NIPA2: variants seen among roughly 807,000 people sequenced by gnomAD.
The protein encoded by NIPA2 is magnesium transporter NIPA2.
A neutral mutation model predicts 29.7 loss-of-function variants in NIPA2; 11 were observed. That is an observed-to-expected ratio of 0.37 (90% confidence interval 0.23 to 0.61). The LOEUF (loss-of-function observed/expected upper bound fraction) is 0.61, where lower values mean the gene tolerates loss of function less well. NIPA2 is among the 20% of genes least tolerant of loss of function. The pLI is 0.66. For synonymous variants in NIPA2, 183 were observed against 161.9 expected (o/e 1.13, Z -0.99); for missense variants, 426 against 437.9 (o/e 0.97, Z 0.24).
chr15:22,850,030 A>T (rs563687932), intron 3 of NIPA2, among the ~76,000 whole-genome samples: 1 of 152,126 alleles, frequency 6.6e-6, no homozygotes, highest in African/African-American at 2.4e-5. Context: ...TAGTAATACA[A>T]TGAGTCCCTG....
chr15:22,839,457 C>T (rs2140919227), intron 1 of NIPA2, among the ~76,000 whole-genome samples, 198 bp from the exon 2 acceptor site: 1 of 152,212 alleles, frequency 6.6e-6, no homozygotes, highest in South Asian at 2.1e-4. Flanking sequence ...CCGGTTAATA[C>T]TTTTTTTAGT....
chr15:22,840,634 C>G (rs1423761692), intron 2 of NIPA2, among the ~76,000 whole-genome samples: 1 of 152,068 alleles, frequency 6.6e-6, no homozygotes, highest in Non-Finnish European at 1.5e-5. Context: ...ATGTGGGCAG[C>G]CGGGTGTAGA....
At chr15:22,846,997 G>T (rs1180193082) in intron 3 of NIPA2, among the ~76,000 whole-genome samples, 1 of 149,788 alleles carries the variant, frequency 6.7e-6, no homozygotes, top group African/African-American at 2.5e-5. Context: ...TCTGCCTCCC[G>T]GGTTCAAGCG....
rs768002255 is a variant in NIPA2, at chr15:22,863,998, TTAA to T, written c.449-2209_449-2207del. 4.6e-5 allele frequency among the ~76,000 whole-genome samples: 7 copies of T among 152,254 alleles called. No individual in the cohort carries two copies. In the South Asian group the frequency reaches 6.2e-4, roughly 14 times the overall value. ...CTGTTTCATTGTGTCTCTGAGGATA[TTAA>T]TAATAGTTTTTCTTGCTTTTCTGAG... On this transcript the variant is annotated intron_variant, in intron 7 of 7. Coordinates refer to ENST00000337451, the MANE Select transcript of NIPA2 (RefSeq NM_030922.7).
intron 2 of NIPA2, among the ~76,000 whole-genome samples, 162 bp from the exon 3 acceptor site, chr15:22,844,984 C>T (rs755270): frequency 0.017 from 2,552 of 152,222 alleles, 45 homozygotes; most frequent in Middle Eastern, 0.12. Context: ...GGTCACAGTT[C>T]GGATTACTCC....
At chr15:22,856,634 A>G (rs1019278222) in intron 5 of NIPA2, among the ~76,000 whole-genome samples, 1 of 152,248 alleles carries the variant, frequency 6.6e-6, no homozygotes, top group African/African-American at 2.4e-5. Flanking sequence ...AAAGATTTAC[A>G]TCTGAAATAT....
chr15:22,845,113 A>G (rs1267465756), intron 2 of NIPA2, 33 bp from the exon 3 acceptor site: 1 of 152,208 alleles, frequency 6.6e-6, no homozygotes, highest in Non-Finnish European at 1.5e-5. Context: ...CCTCATGGCT[A>G]ATTCTTAAGA....
Position 22,866,511 on chromosome 15 carries a change from T to C in NIPA2, c.747T>C (p.Thr249=), listed in dbSNP as rs769505101. 1.2e-6 allele frequency: 2 copies of C among 1,613,838 alleles called. No individual in the cohort carries two copies. Among genetic ancestry groups the C allele is most frequent in the Non-Finnish European group, 8.5e-7 (1 of 1,179,682 alleles). ...ALDIFNTSIV[T]PIYYVFFTTS... Reference sequence around the variant, plus strand: ...ATATATTCAACACTTCCATTGTGACTCCAATATATTATGTATTCTTTACAA... The same window carrying C: ...ATATATTCAACACTTCCATTGTGACCCCAATATATTATGTATTCTTTACAA... The change falls in exon 8 of 8, where the codon ACT becomes ACC. Residue 249 remains threonine (T), a synonymous_variant. Coordinates refer to ENST00000337451, the MANE Select transcript of NIPA2 (RefSeq NM_030922.7).
chr15:22,841,265 T>A (rs2140964089), intron 2 of NIPA2, among the ~76,000 whole-genome samples: 1 of 152,290 alleles, frequency 6.6e-6, no homozygotes, highest in South Asian at 2.1e-4. Flanking sequence ...TATACACAAT[T>A]TGCAAAGATT....
intron 5 of NIPA2, among the ~76,000 whole-genome samples, chr15:22,857,566 G>A (rs1466606769): frequency 6.6e-6 from 1 of 151,904 alleles, no homozygotes; most frequent in Non-Finnish European, 1.5e-5. Flanking sequence ...GCTGGGCACG[G>A]TGGCTCACGC....
chr15:22,847,711 C>G (rs1046415854), intron 3 of NIPA2, among the ~76,000 whole-genome samples: 1 of 151,728 alleles, frequency 6.6e-6, no homozygotes, highest in Non-Finnish European at 1.5e-5. Context: ...ATCTGCCCAC[C>G]TCGGCCTCCC....
Position 22,866,571 on chromosome 15 carries a change from G to A in NIPA2, c.807G>A (p.Lys269=), listed in dbSNP as rs1364766836. 1 of 1,614,106 alleles carries A rather than the reference G, an allele frequency of 6.2e-7. No individual in the cohort carries two copies. The highest frequency in any genetic ancestry group is 1.7e-5 in the Admixed American group (1 of 60,012). ...TAACTTGTTCAGCTATTCTTTTTAA[G>A]GAGTGGCAAGATATGCCTGTTGACG... is the stretch of plus-strand genomic sequence containing the variant. ...SVLTCSAILF[K]EWQDMPVDDV... The change falls in exon 8 of 8, where the codon AAG becomes AAA. Residue 269 remains lysine (K), a synonymous_variant. Coordinates refer to ENST00000337451, the MANE Select transcript of NIPA2 (RefSeq NM_030922.7).
intron 7 of NIPA2, among the ~76,000 whole-genome samples, chr15:22,861,535 A>G (rs2058622039): frequency 6.6e-6 from 1 of 152,174 alleles, no homozygotes; most frequent in South Asian, 2.1e-4. Flanking sequence ...GTTTATCTCA[A>G]AATGTTTTTA....
At chr15:22,858,510 T>G in intron 5 of NIPA2, 30 bp from the exon 6 acceptor site, 4 of 1,503,362 alleles carry the variant, frequency 2.7e-6, no homozygotes, top group Non-Finnish European at 3.7e-6. Flanking sequence ...CATTCTTACC[T>G]GAGTTTTTCT....
intron 7 of NIPA2, among the ~76,000 whole-genome samples, chr15:22,863,901 C>CT (rs1264563979): frequency 6.6e-6 from 1 of 151,996 alleles, no homozygotes; most frequent in Non-Finnish European, 1.5e-5. Flanking sequence ...ATAAATGTTT[C>CT]TTTTTTATTT....
intron 7 of NIPA2, among the ~76,000 whole-genome samples, chr15:22,864,376 G>C (rs1021156112): frequency 1.3e-5 from 2 of 152,102 alleles, no homozygotes. Flanking sequence ...GGATGGTCTC[G>C]ATCTTCTGAC....
chr15:22,847,163 C>T (rs959373810), intron 3 of NIPA2, among the ~76,000 whole-genome samples: 1 of 152,022 alleles, frequency 6.6e-6, no homozygotes, highest in Non-Finnish European at 1.5e-5. Context: ...GCTTCTTCCT[C>T]CCAAAGTGCT....
chr15:22,851,882 C>G lies in NIPA2; in HGVS notation c.139+12C>G, dbSNP rs2057768683. On this transcript the variant is annotated intron_variant, in intron 4 of 7. Transcript: ENST00000337451. The stretch of plus-strand genomic sequence containing the variant: ...CTCTATGAGAGCAGGTAGGTTATGC[C>G]TTATGTGACTTTGAAGTGACCTCAG... The G allele has an allele frequency of 6.2e-7, 1 of 1,609,750 alleles. No individual in the cohort carries two copies. The highest frequency in any genetic ancestry group is 1.3e-5 in the African/African-American group (1 of 74,666).
intron 3 of NIPA2, among the ~76,000 whole-genome samples, chr15:22,846,999 G>C (rs892444563): frequency 6.6e-6 from 1 of 151,276 alleles, no homozygotes; most frequent in African/African-American, 2.4e-5. Flanking sequence ...TGCCTCCCGG[G>C]TTCAAGCGAT....
Sources: gnomAD v4.1 joint callset for allele counts (sites outside exome capture counted in the v4.1 genomes callset) on GRCh38, gnomAD v4.1.1 for gene constraint, MANE v1.5 for transcripts, NCBI Gene and HGNC (gene_info 2026-07-23, HGNC 2026-07-21) for gene names.